The following COG5 variants were observed in gnomAD, a reference collection of about 807,000 sequenced individuals.
The protein encoded by COG5 is conserved oligomeric Golgi complex subunit 5.
Under a neutral mutation model 110.4 loss-of-function variants are expected in COG5, and 86 were observed. The observed-to-expected ratio is 0.78, with a 90% confidence interval of 0.65 to 0.93. COG5 has a LOEUF of 0.93. Ranked by LOEUF, COG5 falls within the 40% of genes least tolerant of loss-of-function variation. The probability of loss-of-function intolerance (pLI) is 0.00; values close to 1 mark genes in which losing one functional copy is unlikely to be tolerated. For missense variants in COG5, 1,077 were observed against 987.0 expected (o/e 1.09, Z -1.22); for synonymous variants, 360 against 334.6 (o/e 1.08, Z -0.83).
At chr7:107,407,713 G>A (rs1233357528) in intron 7 of COG5, among the ~76,000 whole-genome samples, 1 of 151,606 alleles carries the variant, frequency 6.6e-6, no homozygotes, top group Non-Finnish European at 1.5e-5. Context: ...GGAAGTTAAG[G>A]AGGACAAAGT....
intron 14 of COG5, among the ~76,000 whole-genome samples, chr7:107,278,373 C>A (rs931247105): frequency 2.0e-5 from 3 of 152,076 alleles, no homozygotes; most frequent in Non-Finnish European, 4.4e-5. Flanking sequence ...CTGCACCCAT[C>A]AACCTCTCAT....
chr7:107,557,860 C>T (rs1803439635), intron 2 of COG5, 116 bp downstream of exon 2: 6 of 1,314,208 alleles, frequency 4.6e-6, no homozygotes, highest in Non-Finnish European at 4.3e-6. Context: ...ATAAGTCACA[C>T]TGGTAAGTAT....
chr7:107,319,362 T>C (rs981411936), intron 11 of COG5, among the ~76,000 whole-genome samples: 2 of 152,234 alleles, frequency 1.3e-5, no homozygotes, highest in African/African-American at 2.4e-5. Flanking sequence ...CTCATTTTAA[T>C]TGGATGCTGA....
At chr7:107,270,409 G>A (rs1395192539) in intron 14 of COG5, among the ~76,000 whole-genome samples, 1 of 151,960 alleles carries the variant, frequency 6.6e-6, no homozygotes, top group Non-Finnish European at 1.5e-5. Context: ...CATCAGATAT[G>A]TGCCACCACA....
intron 6 of COG5, among the ~76,000 whole-genome samples, chr7:107,423,764 T>C (rs1026476799): frequency 1.3e-5 from 2 of 151,846 alleles, no homozygotes; most frequent in Non-Finnish European, 2.9e-5. Context: ...AAGAATAATA[T>C]GCCATGACCA....
At chr7:107,494,399 T>C (rs1414943209) in intron 6 of COG5, among the ~76,000 whole-genome samples, 3 of 152,180 alleles carry the variant, frequency 2.0e-5, no homozygotes, top group African/African-American at 7.2e-5. Context: ...TTAGTAACAG[T>C]GGTCCCATAA....
Position 107,307,635 on chromosome 7 carries a change from TA to T in COG5, c.1109-9290del, listed in dbSNP as rs558247891. ...TCTTTATATAGCCACAGGAGGTCAT[TA>T]TTCTAAGTGTAGTAACTCAGGAATG... On this transcript the variant is annotated intron_variant, in intron 11 of 21. Coordinates refer to ENST00000297135, the MANE Select transcript of COG5 (RefSeq NM_006348.5). 1.2e-3 allele frequency among the ~76,000 whole-genome samples: 179 copies of T among 152,298 alleles called. 2 individuals carry two copies. Among genetic ancestry groups the T allele is most frequent in the African/African-American group, 4.1e-3 (171 of 41,574 alleles).
intron 5 of COG5, among the ~76,000 whole-genome samples, chr7:107,534,157 C>T (rs558813617): frequency 6.6e-6 from 1 of 151,570 alleles, no homozygotes; most frequent in East Asian, 1.9e-4. Context: ...ACAAGAGCTC[C>T]TGAAGGAAGC....
At chr7:107,249,224 A>C (rs965234121) in intron 16 of COG5, among the ~76,000 whole-genome samples, 11 of 152,074 alleles carry the variant, frequency 7.2e-5, no homozygotes, top group African/African-American at 2.4e-4. Flanking sequence ...GTTCCCCAGG[A>C]AACATTTGGT....
At chr7:107,315,158 CTT>C (rs3839821) in intron 11 of COG5, among the ~76,000 whole-genome samples, 45 of 144,586 alleles carry the variant, frequency 3.1e-4, no homozygotes, top group South Asian at 2.2e-3. Flanking sequence ...CTATTCTAAT[CTT>C]TTTTTTTTTT....
intron 12 of COG5, among the ~76,000 whole-genome samples, chr7:107,292,022 T>A (rs1377083790): frequency 6.6e-6 from 1 of 152,156 alleles, no homozygotes; most frequent in African/African-American, 2.4e-5. Flanking sequence ...CCTCCTCTCC[T>A]TTCTTTGCCT....
At position 107,563,879 on chromosome 7, in the gene COG5, G is replaced by T. The variant is rs776167636; in HGVS notation, c.18C>A (p.Gly6=). MEGGG[G]SVAVAGLGAR... is the part of the protein sequence containing the mutation. ...CTCCGAGGCCAGCTACAGCGACGCT[G>T]CCGCCGCCACCTTCCATGTTGGCAG... The change falls in exon 1 of 22, where the codon GGC becomes GGA. Residue 6 remains glycine (G), a synonymous_variant. Transcript: ENST00000297135. 3 of 1,613,640 alleles carry T rather than the reference G, an allele frequency of 1.9e-6. No individual in the cohort carries two copies. Among genetic ancestry groups the T allele is most frequent in the South Asian group, 1.1e-5 (1 of 91,086 alleles).
intron 6 of COG5, among the ~76,000 whole-genome samples, chr7:107,423,671 A>C (rs1793447627): frequency 6.6e-6 from 1 of 151,950 alleles, no homozygotes; most frequent in Non-Finnish European, 1.5e-5. Flanking sequence ...AAAAAAAAAA[A>C]ACCTACAAAA....
At chr7:107,221,980 C>T (rs539294229) in intron 19 of COG5, among the ~76,000 whole-genome samples, 2 of 151,804 alleles carry the variant, frequency 1.3e-5, no homozygotes, top group African/African-American at 4.8e-5. Context: ...ATATTCTTGA[C>T]GCAAACTGTA....
At chr7:107,336,575 A>G (rs1290307333) in intron 10 of COG5, among the ~76,000 whole-genome samples, 3 of 152,256 alleles carry the variant, frequency 2.0e-5, no homozygotes, top group African/African-American at 7.2e-5. Context: ...ACTTAAGGTG[A>G]TGGATATCCC....
chr7:107,405,284 C>T (rs559289067), intron 7 of COG5, among the ~76,000 whole-genome samples: 1 of 152,264 alleles, frequency 6.6e-6, no homozygotes, highest in South Asian at 2.1e-4. Context: ...TAACACAGAG[C>T]CTGACAAAGA....
At chr7:107,347,236 A>G (rs964688597) in intron 10 of COG5, among the ~76,000 whole-genome samples, 1 of 152,224 alleles carries the variant, frequency 6.6e-6, no homozygotes, top group Non-Finnish European at 1.5e-5. Flanking sequence ...CTAATCAGGA[A>G]AAAACTGTTA....
chr7:107,442,273 C>T (rs1398259236), intron 6 of COG5, among the ~76,000 whole-genome samples: 1 of 152,140 alleles, frequency 6.6e-6, no homozygotes, highest in Admixed American at 6.5e-5. Flanking sequence ...TCCCCTTTGC[C>T]TTCCACCATG....
intron 21 of COG5, among the ~76,000 whole-genome samples, chr7:107,205,846 C>T (rs907616831): frequency 1.3e-5 from 2 of 152,162 alleles, no homozygotes; most frequent in Non-Finnish European, 2.9e-5. Flanking sequence ...TAGTAGGATC[C>T]GGCACTTTGG....
Sources: allele counts gnomAD v4.1 joint callset (sites outside exome capture counted in the v4.1 genomes callset), GRCh38; gene constraint gnomAD v4.1.1; transcripts MANE v1.5; gene names NCBI Gene and HGNC (gene_info 2026-07-23, HGNC 2026-07-21).